The following RPSA2 variants were observed in gnomAD, a reference collection of about 807,000 sequenced individuals.
RPSA2 encodes the protein ribosomal protein SA 2.
the RPSA2 span, among the ~76,000 whole-genome samples, chr19:23,866,622 G>C: frequency 3.5e-4 from 53 of 149,962 alleles, no homozygotes; most frequent in African/African-American, 1.1e-3. Flanking sequence ...AGCACCCCCT[G>C]TCAGGAAATG....
At chr19:23,816,010 CTG>C in the RPSA2 span, among the ~76,000 whole-genome samples, 1 of 137,624 alleles carries the variant, frequency 7.3e-6, no homozygotes, top group South Asian at 2.3e-4. Flanking sequence ...TTTTTTCGCT[CTG>C]TGGTTTTCAG....
At chr19:23,761,929 T>TCTCTCTCTCGC in the RPSA2 span, among the ~76,000 whole-genome samples, 2 of 80,544 alleles carry the variant, frequency 2.5e-5, no homozygotes, top group Non-Finnish European at 5.0e-5. Flanking sequence ...TCTTTTTTTT[T>TCTCTCTCTCGC]TTTTTTGAGA....
chr19:23,852,183 G>A, the RPSA2 span, among the ~76,000 whole-genome samples: 1 of 152,190 alleles, frequency 6.6e-6, no homozygotes, highest in Non-Finnish European at 1.5e-5. Flanking sequence ...AGCCTCAGGG[G>A]TCAAAGTTCT....
At chr19:23,806,047 C>CTTTTTT in the RPSA2 span, among the ~76,000 whole-genome samples, 4 of 126,410 alleles carry the variant, frequency 3.2e-5, no homozygotes, top group Admixed American at 8.6e-5. Flanking sequence ...TTCTTTCTTT[C>CTTTTTT]TTTTTTTTTT....
At chr19:23,773,526 C>T in the RPSA2 span, among the ~76,000 whole-genome samples, 5 of 152,158 alleles carry the variant, frequency 3.3e-5, no homozygotes, top group African/African-American at 9.7e-5. Context: ...TCATGATCTG[C>T]CCGCCTCAGT....
At chr19:23,857,508 G>C in the RPSA2 span, among the ~76,000 whole-genome samples, 4 of 40,818 alleles carry the variant, frequency 9.8e-5, no homozygotes, top group African/African-American at 3.2e-4. Flanking sequence ...TTTTTTTTTT[G>C]AGATGGAGTT....
At chr19:23,788,736 A>G in the RPSA2 span, among the ~76,000 whole-genome samples, 2 of 151,906 alleles carry the variant, frequency 1.3e-5, no homozygotes, top group African/African-American at 4.8e-5. Context: ...ATATTGTTAC[A>G]TATTATTGGG....
At chr19:23,780,432 A>G in the RPSA2 span, among the ~76,000 whole-genome samples, 1 of 152,094 alleles carries the variant, frequency 6.6e-6, no homozygotes, top group African/African-American at 2.4e-5. Context: ...TCACAAGGTC[A>G]GGAGATCGAG....
the RPSA2 span, chr19:23,832,279 A>C: frequency 2.2e-6 from 1 of 452,798 alleles, no homozygotes; most frequent in Middle Eastern, 3.5e-4. Context: ...GAAACATAAG[A>C]GAATTCATAC....
chr19:23,779,685 CT>C, the RPSA2 span, among the ~76,000 whole-genome samples: 2 of 152,182 alleles, frequency 1.3e-5, no homozygotes, highest in Admixed American at 6.5e-5. Flanking sequence ...GTCCAAACAC[CT>C]AGAAGAATGG....
the RPSA2 span, among the ~76,000 whole-genome samples, chr19:23,835,022 AG>A: frequency 6.6e-6 from 1 of 152,168 alleles, no homozygotes; most frequent in Non-Finnish European, 1.5e-5. Context: ...AGAGGAAATG[AG>A]ATGTCCATTA....
the RPSA2 span, among the ~76,000 whole-genome samples, chr19:23,778,006 TC>T: frequency 6.6e-6 from 1 of 152,212 alleles, no homozygotes; most frequent in Non-Finnish European, 1.5e-5. Context: ...ACTTGTCTCT[TC>T]TTCGTAGATT....
chr19:23,789,552 ACT>A, the RPSA2 span, among the ~76,000 whole-genome samples: 3 of 151,916 alleles, frequency 2.0e-5, no homozygotes, highest in Non-Finnish European at 2.9e-5. Flanking sequence ...TAAAAGAGTT[ACT>A]CTCTCTCCTA....
chr19:23,851,983 C>T, the RPSA2 span, among the ~76,000 whole-genome samples: 50,709 of 151,968 alleles, frequency 0.33, 8,735 homozygotes, highest in Non-Finnish European at 0.38. Context: ...TATTCTACAC[C>T]GAGCTTGTCC....
the RPSA2 span, among the ~76,000 whole-genome samples, chr19:23,767,394 T>C: frequency 6.6e-6 from 1 of 152,082 alleles, no homozygotes; most frequent in East Asian, 1.9e-4. Flanking sequence ...ACCTGATTTT[T>C]ATTTTTAGTA....
chr19:23,778,598 C>G, the RPSA2 span, among the ~76,000 whole-genome samples: 1 of 152,094 alleles, frequency 6.6e-6, no homozygotes, highest in African/African-American at 2.4e-5. Flanking sequence ...TGACTTTCCT[C>G]TCCTGCCTGG....
At chr19:23,824,971 G>A in the RPSA2 span, among the ~76,000 whole-genome samples, 1 of 150,276 alleles carries the variant, frequency 6.7e-6, no homozygotes, top group African/African-American at 2.5e-5. Context: ...GTTTTGTTTT[G>A]TTTTTGTTTT....
At chr19:23,853,901 G>A in the RPSA2 span, among the ~76,000 whole-genome samples, 9 of 152,182 alleles carry the variant, frequency 5.9e-5, no homozygotes, top group African/African-American at 1.9e-4. Flanking sequence ...CCAGGAGGAA[G>A]GCCTTAAATT....
chr19:23,805,043 C>CTTAGGTAAGGACAGGA, the RPSA2 span, among the ~76,000 whole-genome samples: 1 of 151,856 alleles, frequency 6.6e-6, no homozygotes, highest in Admixed American at 6.6e-5. Flanking sequence ...GACAGTGTGG[C>CTTAGGTAAGGACAGGA]CAATATTTCT....
Sources: gnomAD v4.1 joint callset for allele counts (sites outside exome capture counted in the v4.1 genomes callset) on GRCh38, gnomAD v4.1.1 for gene constraint, MANE v1.5 for transcripts, NCBI Gene and HGNC (gene_info 2026-07-23, HGNC 2026-07-21) for gene names.